The following SLC7A1 variants were observed in gnomAD, a reference collection of about 807,000 sequenced individuals.
SLC7A1 encodes the protein high affinity cationic amino acid transporter 1.
Under a neutral mutation model 53.9 loss-of-function variants are expected in SLC7A1, and 10 were observed. That is an observed-to-expected ratio of 0.19 (90% CI 0.11 to 0.31). SLC7A1 has a LOEUF of 0.31. Ranked by LOEUF, SLC7A1 falls within the 10% of genes least tolerant of loss-of-function variation. SLC7A1 has a pLI of 1.00. For missense variants in SLC7A1, 525 were observed against 827.2 expected (o/e 0.63, Z 4.48); for synonymous variants, 342 against 338.7 (o/e 1.01, Z -0.11).
chr13:29,537,704 T>A (rs9579396), intron 2 of SLC7A1, among the ~76,000 whole-genome samples: 1 of 152,174 alleles, frequency 6.6e-6, no homozygotes, highest in Non-Finnish European at 1.5e-5. Context: ...AAACAGAGTT[T>A]ATTTTAAAAA....
intron 3 of SLC7A1, 99 bp from the exon 4 acceptor site, chr13:29,533,081 C>G (rs1044876054): frequency 5.8e-6 from 7 of 1,201,792 alleles, no homozygotes; most frequent in Non-Finnish European, 8.0e-6. Flanking sequence ...CAGGAGTCAC[C>G]GACGGTGCAC....
chr13:29,525,653 C>T (rs1184234100), intron 5 of SLC7A1, among the ~76,000 whole-genome samples: 2 of 152,156 alleles, frequency 1.3e-5, no homozygotes, highest in East Asian at 1.9e-4. Flanking sequence ...GCCATGAAGA[C>T]GCTGGAAGTA....
At chr13:29,594,853 A>G (rs1872243488) in intron 1 of SLC7A1, among the ~76,000 whole-genome samples, 1 of 152,116 alleles carries the variant, frequency 6.6e-6, no homozygotes, top group Non-Finnish European at 1.5e-5. Flanking sequence ...CGGGGATGGC[A>G]GCAGAGTCCC....
chr13:29,579,251 C>T (rs549996554), intron 1 of SLC7A1, among the ~76,000 whole-genome samples: 8 of 152,206 alleles, frequency 5.3e-5, no homozygotes, highest in Non-Finnish European at 1.0e-4. Context: ...CATGGCCTAT[C>T]CCGACATTCC....
Position 29,512,737 on chromosome 13 carries a change from A to C in SLC7A1, c.*1743T>G, listed in dbSNP as rs1883429295. On this transcript the variant is annotated 3_prime_UTR_variant, in exon 13 of 13. Coordinates refer to ENST00000380752, the MANE Select transcript of SLC7A1 (RefSeq NM_003045.5). The stretch of plus-strand genomic sequence containing the variant: ...TATGATGCTCCCTCTGGAACATTCA[A>C]AATGAGATCAGAATAAAGCTCCCAG... 6.7e-6 allele frequency: 1 copy of C among 148,798 alleles called. No individual in the cohort carries two copies. Among genetic ancestry groups the C allele is most frequent in the Non-Finnish European group, 1.5e-5 (1 of 66,354 alleles). 9.2% of individuals were successfully genotyped at this position (148,798 alleles called of 1,614,324 possible). A position where few individuals can be genotyped will look rare whatever the true frequency, so the allele number is the denominator to read the frequency against.
chr13:29,543,147 A>C (rs1428772457), intron 2 of SLC7A1, among the ~76,000 whole-genome samples: 2 of 152,154 alleles, frequency 1.3e-5, no homozygotes, highest in East Asian at 3.8e-4. Flanking sequence ...GGCTATGAAC[A>C]TACACTCCTG....
chr13:29,512,563 A>G lies in SLC7A1; in HGVS notation c.*1917T>C, dbSNP rs950212933. 7 of 151,696 alleles carry G rather than the reference A, an allele frequency of 4.6e-5. No individual in the cohort carries two copies. Among genetic ancestry groups the G allele is most frequent in the African/African-American group, 9.7e-5 (4 of 41,186 alleles). The allele number at this position is 151,696 out of a possible 1,614,324, so 9.4% of individuals were successfully genotyped here. A position where few individuals can be genotyped will look rare whatever the true frequency, so the allele number is the denominator to read the frequency against. The stretch of plus-strand genomic sequence containing the variant: ...TCTTTGCCTATGTAGAAAATAACGG[A>G]AAAAAAAATCAAGCAAATAACTACC... On this transcript the variant is annotated 3_prime_UTR_variant, in exon 13 of 13. Transcript: ENST00000380752.
rs1423144803 is a variant in SLC7A1, at chr13:29,535,851, G to C, written c.338C>G (p.Thr113Ser). The change falls in exon 3 of 13, where the codon ACC (threonine) becomes AGC (serine). Residue 113 changes from threonine to serine, a missense_variant. Coordinates refer to ENST00000380752, the MANE Select transcript of SLC7A1 (RefSeq NM_003045.5). ...GTAGGAGAGGATTAAGTTCCAGCCG[G>C]TGATGAAGGCCCAGAGCTCTCCAAC... ...VTVGELWAFI[T>S]GWNLILSYII... The C allele has an allele frequency of 2.5e-6, 4 of 1,614,056 alleles. No individual in the cohort carries two copies. The highest frequency in any genetic ancestry group is 3.4e-6 in the Non-Finnish European group (4 of 1,180,014).
At chr13:29,581,506 G>A (rs1871645459) in intron 1 of SLC7A1, among the ~76,000 whole-genome samples, 1 of 152,160 alleles carries the variant, frequency 6.6e-6, no homozygotes, top group Admixed American at 6.5e-5. Context: ...TCAGCACCCC[G>A]TTACCTTTAG....
In SLC7A1 at chr13:29,511,984, G is replaced by C. The variant is rs1181424337; in HGVS notation, c.*2496C>G. 1 of 151,184 alleles carries C rather than the reference G, an allele frequency of 6.6e-6. No individual in the cohort carries two copies. The highest frequency in any genetic ancestry group is 1.5e-5 in the Non-Finnish European group (1 of 67,790). The allele number at this position is 151,184 out of a possible 1,614,324, so 9.4% of individuals were successfully genotyped here. Reference sequence around the variant, plus strand: ...TGAAACTATCATTTTTTTTTTGCTTGTGTGTATTTTTATTTCAGGGAAAGA... The same window carrying C: ...TGAAACTATCATTTTTTTTTTGCTTCTGTGTATTTTTATTTCAGGGAAAGA... On this transcript the variant is annotated 3_prime_UTR_variant, in exon 13 of 13. Coordinates refer to ENST00000380752, the MANE Select transcript of SLC7A1 (RefSeq NM_003045.5).
intron 2 of SLC7A1, among the ~76,000 whole-genome samples, chr13:29,545,047 GA>G (rs1869853787): frequency 1.3e-5 from 2 of 152,058 alleles, no homozygotes; most frequent in Non-Finnish European, 2.9e-5. Flanking sequence ...TGAAATTCAG[GA>G]AGCTAATAGG....
intron 7 of SLC7A1, among the ~76,000 whole-genome samples, 178 bp downstream of exon 7, chr13:29,523,088 A>G (rs142532138): frequency 6.6e-6 from 1 of 152,030 alleles, no homozygotes; most frequent in African/African-American, 2.4e-5. Context: ...GATGATGAAT[A>G]CTGGCCAACA....
chr13:29,518,860 C>A (rs909612249), intron 9 of SLC7A1, among the ~76,000 whole-genome samples: 1 of 152,112 alleles, frequency 6.6e-6, no homozygotes, highest in Non-Finnish European at 1.5e-5. Flanking sequence ...CAGGTGAGAA[C>A]ACCGAGACAC....
At chr13:29,555,132 G>A (rs1416235530) in intron 1 of SLC7A1, among the ~76,000 whole-genome samples, 2 of 151,482 alleles carry the variant, frequency 1.3e-5, no homozygotes, top group Non-Finnish European at 1.5e-5. Flanking sequence ...GCCGAGGCGG[G>A]CGGATCACGA....
At chr13:29,524,367 C>A in intron 5 of SLC7A1, 114 bp from the exon 6 acceptor site, 1 of 1,339,846 alleles carries the variant, frequency 7.5e-7, no homozygotes, top group Non-Finnish European at 1.0e-6. Context: ...TCCCTGTTAC[C>A]GCTGCCAGGC....
intron 5 of SLC7A1, among the ~76,000 whole-genome samples, chr13:29,526,159 C>T (rs1868877573): frequency 6.6e-6 from 1 of 152,220 alleles, no homozygotes. Context: ...GATCCCCACT[C>T]AGCTCCTATG....
chr13:29,580,605 T>C (rs1871603608), intron 1 of SLC7A1, among the ~76,000 whole-genome samples: 2 of 152,216 alleles, frequency 1.3e-5, no homozygotes, highest in South Asian at 4.1e-4. Flanking sequence ...ACATGTCTCC[T>C]TACCTGATTG....
At chr13:29,517,395 T>G (rs1337246022) in intron 10 of SLC7A1, 85 bp from the exon 11 acceptor site, 3 of 1,403,254 alleles carry the variant, frequency 2.1e-6, no homozygotes, top group African/African-American at 1.4e-5. Flanking sequence ...CCTAAACTTG[T>G]GGAGAGAGAG....
intron 1 of SLC7A1, among the ~76,000 whole-genome samples, chr13:29,588,466 A>G (rs989436612): frequency 2.6e-5 from 4 of 151,624 alleles, no homozygotes; most frequent in African/African-American, 9.7e-5. Flanking sequence ...GACGGTACCC[A>G]GGAGTTCCTT....
Sources: gnomAD v4.1 joint callset for allele counts (sites outside exome capture counted in the v4.1 genomes callset) on GRCh38, gnomAD v4.1.1 for gene constraint, MANE v1.5 for transcripts, NCBI Gene and HGNC (gene_info 2026-07-23, HGNC 2026-07-21) for gene names.